The following MALRD1 variants were observed in gnomAD, a reference collection of about 807,000 sequenced individuals.
The protein encoded by MALRD1 is MAM and LDL receptor class A domain containing 1.
A neutral mutation model predicts 242.1 loss-of-function variants in MALRD1; 247 were observed. The observed-to-expected ratio is 1.02, with a 90% CI of 0.92 to 1.13. The LOEUF (loss-of-function observed/expected upper bound fraction) is 1.13, where lower values mean the gene tolerates loss of function less well. MALRD1 is among the 50% of genes most tolerant of loss of function. The probability of loss-of-function intolerance (pLI) is 0.00; values close to 1 mark genes in which losing one functional copy is unlikely to be tolerated. For synonymous variants in MALRD1, 995 were observed against 866.6 expected (o/e 1.15, Z -2.60); for missense variants, 2,989 against 2,533.1 (o/e 1.18, Z -3.86).
chr10:19,148,035 A>G (rs1227721320), intron 11 of MALRD1, among the ~76,000 whole-genome samples: 1 of 152,190 alleles, frequency 6.6e-6, no homozygotes, highest in Non-Finnish European at 1.5e-5. Context: ...ATGTGTCTGC[A>G]GGATGATGGT....
intron 21 of MALRD1, among the ~76,000 whole-genome samples, chr10:19,301,898 A>G (rs1252381899): frequency 6.6e-6 from 1 of 151,784 alleles, no homozygotes; most frequent in African/African-American, 2.4e-5. Flanking sequence ...TATGTAAATA[A>G]CTCTTATAAC....
At chr10:19,471,000 A>T (rs2131137983) in intron 29 of MALRD1, among the ~76,000 whole-genome samples, 1 of 152,016 alleles carries the variant, frequency 6.6e-6, no homozygotes, top group East Asian at 1.9e-4. Flanking sequence ...GTTGACATCC[A>T]AAAATTTATT....
chr10:19,550,802 A>AT (rs1359240572), intron 32 of MALRD1, among the ~76,000 whole-genome samples: 4 of 152,208 alleles, frequency 2.6e-5, no homozygotes, highest in Non-Finnish European at 5.9e-5. Context: ...TGCAATGAAC[A>AT]TACATACCTA....
At chr10:19,117,161 G>A (rs114099953) in intron 5 of MALRD1, among the ~76,000 whole-genome samples, 2,012 of 151,672 alleles carry the variant, frequency 0.013, 56 homozygotes, top group African/African-American at 0.046. Context: ...ATTAATATGA[G>A]TATAAATAAC....
At chr10:19,715,701 G>A (rs975537553) in intron 38 of MALRD1, among the ~76,000 whole-genome samples, 4 of 152,220 alleles carry the variant, frequency 2.6e-5, no homozygotes, top group African/African-American at 9.6e-5. Context: ...GGTTCTGCAG[G>A]CTGTACAAAC....
intron 29 of MALRD1, chr10:19,489,076 A>C (rs903873864): frequency 2.2e-6 from 1 of 460,116 alleles, no homozygotes; most frequent in South Asian, 1.5e-5. Context: ...GGCACCGCGC[A>C]CGCGCCTTTC....
At chr10:19,124,182 A>C (rs1045238732) in intron 6 of MALRD1, among the ~76,000 whole-genome samples, 2 of 152,118 alleles carry the variant, frequency 1.3e-5, no homozygotes, top group Non-Finnish European at 1.5e-5. Context: ...GCACCACTGC[A>C]TTTGGCCTGG....
chr10:19,191,056 C>G (rs1835954166), intron 14 of MALRD1, among the ~76,000 whole-genome samples: 1 of 152,106 alleles, frequency 6.6e-6, no homozygotes, highest in Non-Finnish European at 1.5e-5. Flanking sequence ...AATTGTATAT[C>G]TGATAAGGGA....
Position 19,678,261 on chromosome 10 carries a change from G to A in MALRD1, c.6138-14021G>A, listed in dbSNP as rs553670055. Among the ~76,000 whole-genome samples the A allele has an allele frequency of 6.6e-5, 10 of 152,242 alleles. 1 individual carries two copies. In the South Asian group the frequency reaches 2.1e-3, roughly 32 times the overall value. On this transcript the variant is annotated intron_variant, in intron 36 of 39. Coordinates refer to ENST00000454679, the MANE Select transcript of MALRD1 (RefSeq NM_001142308.3). ...GTGAATTTATAAATTACTTTGCGCAGTATGGCCATTTTCACAATATTGATT... is the reference window on the plus strand; with the variant it reads ...GTGAATTTATAAATTACTTTGCGCAATATGGCCATTTTCACAATATTGATT...
intron 33 of MALRD1, among the ~76,000 whole-genome samples, chr10:19,567,999 A>G (rs1836331099): frequency 6.6e-6 from 1 of 152,156 alleles, no homozygotes; most frequent in Non-Finnish European, 1.5e-5. Context: ...CCAAAGGTTC[A>G]CAAGAACTGC....
chr10:19,377,357 T>C (rs1353870556), intron 26 of MALRD1, among the ~76,000 whole-genome samples: 1 of 152,144 alleles, frequency 6.6e-6, no homozygotes, highest in East Asian at 1.9e-4. Flanking sequence ...AACATTTTCT[T>C]ACTAAAATAC....
chr10:19,564,862 G>C (rs1252147628), intron 32 of MALRD1, among the ~76,000 whole-genome samples: 1 of 152,098 alleles, frequency 6.6e-6, no homozygotes, highest in Non-Finnish European at 1.5e-5. Context: ...CATTTCTATT[G>C]AAGGACAGAA....
chr10:19,407,374 C>G (rs893999284), intron 28 of MALRD1, among the ~76,000 whole-genome samples: 1 of 152,084 alleles, frequency 6.6e-6, no homozygotes, highest in Non-Finnish European at 1.5e-5. Flanking sequence ...CCCAACAACT[C>G]AGGACGCTGA....
chr10:19,295,566 G>A (rs1040959800), intron 21 of MALRD1, among the ~76,000 whole-genome samples: 1 of 151,820 alleles, frequency 6.6e-6, no homozygotes, highest in Non-Finnish European at 1.5e-5. Flanking sequence ...TGTGATATTT[G>A]TATGTAGACA....
At chr10:19,445,295 G>A (rs1834906397) in intron 28 of MALRD1, among the ~76,000 whole-genome samples, 1 of 152,174 alleles carries the variant, frequency 6.6e-6, no homozygotes, top group Non-Finnish European at 1.5e-5. Flanking sequence ...CCAATCGTCT[G>A]AAGCTTACTT....
chr10:19,290,008 C>A (rs1331479413), intron 21 of MALRD1, among the ~76,000 whole-genome samples: 1 of 152,104 alleles, frequency 6.6e-6, no homozygotes, highest in African/African-American at 2.4e-5. Flanking sequence ...TATTCTCTCG[C>A]TTTATGCACT....
At chr10:19,513,729 A>G (rs1833510418) in intron 31 of MALRD1, among the ~76,000 whole-genome samples, 1 of 146,754 alleles carries the variant, frequency 6.8e-6, no homozygotes, top group Non-Finnish European at 1.5e-5. Flanking sequence ...AAAGAGCAAG[A>G]CTCCATCTCA....
intron 31 of MALRD1, among the ~76,000 whole-genome samples, chr10:19,499,839 A>C (rs532424693): frequency 2.5e-4 from 38 of 152,326 alleles, no homozygotes; most frequent in African/African-American, 8.4e-4. Flanking sequence ...GTATCATGCT[A>C]TTCAATTACA....
At chr10:19,161,662 A>G (rs994850319) in intron 12 of MALRD1, among the ~76,000 whole-genome samples, 6 of 151,770 alleles carry the variant, frequency 4.0e-5, no homozygotes, top group African/African-American at 1.2e-4. Context: ...TTAATGCAAC[A>G]TTCTGGGATG....
Sources: gnomAD v4.1 joint callset for allele counts (sites outside exome capture counted in the v4.1 genomes callset) on GRCh38, gnomAD v4.1.1 for gene constraint, MANE v1.5 for transcripts, NCBI Gene and HGNC (gene_info 2026-07-23, HGNC 2026-07-21) for gene names.